CDA: variants seen among roughly 807,000 people sequenced by gnomAD.
The protein encoded by CDA is cytidine deaminase.
A neutral mutation model predicts 15.0 loss-of-function variants in CDA; 7 were observed. The observed-to-expected ratio is 0.47, with a 90% CI of 0.26 to 0.87. The LOEUF is 0.87. Among genes scored for constraint, CDA ranks in the 40% least tolerant of loss-of-function variants. The probability of loss-of-function intolerance (pLI) is 0.15; values close to 1 mark genes in which losing one functional copy is unlikely to be tolerated. For missense variants in CDA, 159 were observed against 182.7 expected (o/e 0.87, Z 0.75); for synonymous variants, 58 against 73.0 (o/e 0.79, Z 1.05).
rs575427564 is a variant in CDA, at chr1:20,600,677, C to G, written c.155-4251C>G. On this transcript the variant is annotated intron_variant, in intron 1 of 3. Transcript: ENST00000375071. ...AGGCTGAGATGAGAATCACTTGAACCCAGGAGGTGGAGATTGCAGTGAGCT... is the reference window on the plus strand; with the variant it reads ...AGGCTGAGATGAGAATCACTTGAACGCAGGAGGTGGAGATTGCAGTGAGCT... 2.7e-5 allele frequency among the ~76,000 whole-genome samples: 4 copies of G among 150,376 alleles called. No individual in the cohort carries two copies. The East Asian group carries it at 5.9e-4, about 22-fold the overall frequency.
In CDA at chr1:20,618,469, C is replaced by T. The variant is rs751917708; in HGVS notation, c.342C>T (p.Pro114=). 1.9e-6 allele frequency: 3 copies of T among 1,611,542 alleles called. No homozygotes were observed. Among genetic ancestry groups the T allele is most frequent in the East Asian group, 2.2e-5 (1 of 44,794 alleles). Residue 114 remains proline, a synonymous_variant, in exon 4 of 4, where the codon CCC becomes CCT. Coordinates refer to ENST00000375071, the MANE Select transcript of CDA (RefSeq NM_001785.3). The part of the protein sequence containing the change: ...QVMREFGTNW[P]VYMTKPDGTY... ...TTTTCCAGTTTGGCACCAACTGGCC[C>T]GTGTACATGACCAAGCCGGATGGTA...
chr1:20,605,039 G>A lies in CDA; in HGVS notation c.266G>A (p.Ser89Asn), dbSNP rs1557548856. The A allele has an allele frequency of 1.3e-6, 2 of 1,590,162 alleles. No homozygotes were observed. The highest frequency in any genetic ancestry group is 4.5e-5 in the East Asian group (2 of 44,778). The change falls in exon 2 of 4, where the codon AGT becomes AAT. Residue 89 changes from serine to asparagine, a missense_variant and splice_region_variant. Transcript: ENST00000375071. Reference protein sequence around the residue: ...YKDFRAIAIASDMQDDFISPC... With the variant: ...YKDFRAIAIANDMQDDFISPC... Reference sequence around the variant, plus strand: ...GATTTCAGGGCAATTGCTATCGCCAGGTGAGTGGGAAAGCCAGGTTGCAAC... The same window carrying A: ...GATTTCAGGGCAATTGCTATCGCCAAGTGAGTGGGAAAGCCAGGTTGCAAC...
intron 1 of CDA, among the ~76,000 whole-genome samples, chr1:20,594,781 G>A (rs1405920007): frequency 1.6e-5 from 2 of 124,266 alleles, no homozygotes; most frequent in East Asian, 2.2e-4. Context: ...AGAGCGAGAC[G>A]CCATCTCAAA....
intron 1 of CDA, among the ~76,000 whole-genome samples, chr1:20,593,088 G>A (rs1208842429): frequency 6.6e-6 from 1 of 152,138 alleles, no homozygotes; most frequent in Non-Finnish European, 1.5e-5. Context: ...ATGAGACCCT[G>A]TCTCAAAAAA....
intron 1 of CDA, among the ~76,000 whole-genome samples, chr1:20,602,822 C>CAG (rs1452790856): frequency 2.0e-5 from 3 of 152,222 alleles, no homozygotes; most frequent in Non-Finnish European, 4.4e-5. Context: ...TATTTCCATA[C>CAG]AGAAATGCCA....
chr1:20,593,468 T>G (rs530646895), intron 1 of CDA, among the ~76,000 whole-genome samples: 2 of 152,304 alleles, frequency 1.3e-5, no homozygotes, highest in East Asian at 3.9e-4. Context: ...CATCACCACA[T>G]CCTTCTTTAT....
intron 1 of CDA, among the ~76,000 whole-genome samples, chr1:20,594,696 G>A: frequency 6.6e-6 from 1 of 151,592 alleles, no homozygotes. Flanking sequence ...GGCTGAAGCA[G>A]GAGAATCGCT....
intron 1 of CDA, among the ~76,000 whole-genome samples, chr1:20,602,770 T>G (rs2052658309): frequency 6.6e-6 from 1 of 152,236 alleles, no homozygotes; most frequent in African/African-American, 2.4e-5. Context: ...GCGATCCAAT[T>G]CTATCAAAAG....
intron 1 of CDA, among the ~76,000 whole-genome samples, chr1:20,600,172 ACATGTGAC>A (rs1259965402): frequency 8.5e-5 from 13 of 152,248 alleles, no homozygotes; most frequent in Admixed American, 8.5e-4. Context: ...CAGAGCAGAC[ACATGTGAC>A]CATCCTGAGA....
chr1:20,604,109 C>T (rs946287478), intron 1 of CDA, among the ~76,000 whole-genome samples: 2 of 151,746 alleles, frequency 1.3e-5, no homozygotes, highest in African/African-American at 4.9e-5. Context: ...TGCAACACAA[C>T]TGACACAGAA....
At chr1:20,602,314 T>C (rs1328224561) in intron 1 of CDA, among the ~76,000 whole-genome samples, 1 of 152,152 alleles carries the variant, frequency 6.6e-6, no homozygotes, top group Non-Finnish European at 1.5e-5. Context: ...CCTGCAAAGT[T>C]GTCCTGGAGA....
chr1:20,592,704 G>C (rs767260009), intron 1 of CDA, among the ~76,000 whole-genome samples: 21 of 152,200 alleles, frequency 1.4e-4, no homozygotes, highest in Non-Finnish European at 2.6e-4. Context: ...ATGAATGAAA[G>C]GCTTCTACTA....
intron 1 of CDA, among the ~76,000 whole-genome samples, chr1:20,599,647 TAAAAC>T (rs1553142671): frequency 2.7e-5 from 4 of 146,986 alleles, no homozygotes; most frequent in East Asian, 3.9e-4. Flanking sequence ...TAAAATAAAA[TAAAAC>T]AAAATAAAAT....
intron 2 of CDA, among the ~76,000 whole-genome samples, chr1:20,610,261 C>CTTT (rs760754305): frequency 0.023 from 1,422 of 62,518 alleles, 55 homozygotes; most frequent in African/African-American, 0.039. Flanking sequence ...CACACATTAT[C>CTTT]TTTTTTTTTT....
rs2052846468 is a variant in CDA at position 20,618,809 on chromosome 1, C to A, written c.*241C>A. On this transcript the variant is annotated 3_prime_UTR_variant, in exon 4 of 4. Transcript: ENST00000375071. ...TTCCTGTGGGCCCTCTTTCAAAGTC[C>A]AGCCTAGTCTGGACTGCTTCCCCAT... 1 of 511,504 alleles carries A rather than the reference C, an allele frequency of 2.0e-6. No individual in the cohort carries two copies. Among genetic ancestry groups the A allele is most frequent in the African/African-American group, 1.9e-5 (1 of 51,924 alleles). The allele number at this position is 511,504 out of a possible 1,614,324, so 31.7% of individuals were successfully genotyped here.
chr1:20,599,974 C>T (rs116210473), intron 1 of CDA, among the ~76,000 whole-genome samples: 1,943 of 152,320 alleles, frequency 0.013, 40 homozygotes, highest in African/African-American at 0.043. Context: ...TTCTCAGAGC[C>T]AGTTGGGCAA....
chr1:20,616,197 C>A, intron 3 of CDA, among the ~76,000 whole-genome samples: 1 of 152,190 alleles, frequency 6.6e-6, no homozygotes, highest in East Asian at 1.9e-4. Context: ...GTGCTCCTCA[C>A]GGCTGCCTCT....
intron 3 of CDA, among the ~76,000 whole-genome samples, chr1:20,614,294 A>G (rs1007482478): frequency 6.6e-6 from 1 of 152,110 alleles, no homozygotes; most frequent in Non-Finnish European, 1.5e-5. Flanking sequence ...AAATGCAGAA[A>G]AAAAAAAGGA....
intron 1 of CDA, among the ~76,000 whole-genome samples, chr1:20,595,043 G>A (rs1036598404): frequency 6.6e-6 from 1 of 152,136 alleles, no homozygotes; most frequent in African/African-American, 2.4e-5. Context: ...TCCCAGGATG[G>A]TGCCCAGACA....
Sources: gnomAD v4.1 joint callset for allele counts (sites outside exome capture counted in the v4.1 genomes callset) on GRCh38, gnomAD v4.1.1 for gene constraint, MANE v1.5 for transcripts, NCBI Gene and HGNC (gene_info 2026-07-23, HGNC 2026-07-21) for gene names.